The following DCDC2 variants were observed in gnomAD, a reference collection of about 807,000 sequenced individuals.
DCDC2 encodes doublecortin domain-containing protein 2.
Under a neutral mutation model 50.2 loss-of-function variants are expected in DCDC2, and 40 were observed. The observed-to-expected ratio is 0.80, with a 90% confidence interval of 0.62 to 1.04. DCDC2 has a LOEUF of 1.04. Among genes scored for constraint, DCDC2 ranks in the 50% least tolerant of loss-of-function variants. The pLI is 0.00. For synonymous variants in DCDC2, 234 were observed against 210.6 expected (o/e 1.11, Z -0.96); for missense variants, 570 against 581.9 (o/e 0.98, Z 0.21).
chr6:24,286,534 A>T (rs2113826542), intron 6 of DCDC2, among the ~76,000 whole-genome samples: 1 of 151,296 alleles, frequency 6.6e-6, no homozygotes, highest in East Asian at 1.9e-4. Context: ...TCAAGGCTAC[A>T]GTAAACCATG....
chr6:24,257,691 G>A (rs1581615591), intron 7 of DCDC2, among the ~76,000 whole-genome samples: 2 of 143,572 alleles, frequency 1.4e-5, no homozygotes, highest in African/African-American at 5.8e-5. Context: ...GACGCCTGAA[G>A]TTGGGGAAAA....
chr6:24,350,926 A>G (rs1253159705), intron 2 of DCDC2, among the ~76,000 whole-genome samples: 1 of 152,224 alleles, frequency 6.6e-6, no homozygotes, highest in Non-Finnish European at 1.5e-5. Context: ...AATTTTGAGC[A>G]TAGATCATCC....
At chr6:24,235,622 A>G (rs147435967) in intron 7 of DCDC2, among the ~76,000 whole-genome samples, 10 of 152,328 alleles carry the variant, frequency 6.6e-5, no homozygotes, top group African/African-American at 2.4e-4. Context: ...AAAAGTCTCA[A>G]AAAACTAGGC....
intron 7 of DCDC2, among the ~76,000 whole-genome samples, chr6:24,232,820 G>A (rs1359854847): frequency 6.6e-6 from 1 of 151,470 alleles, no homozygotes; most frequent in Admixed American, 6.6e-5. Flanking sequence ...ATTAATGAAT[G>A]AATGGGGTTC....
intron 8 of DCDC2, among the ~76,000 whole-genome samples, chr6:24,197,142 C>T (rs1761461856): frequency 6.6e-6 from 1 of 152,178 alleles, no homozygotes; most frequent in African/African-American, 2.4e-5. Flanking sequence ...TTTTACCAAT[C>T]TGTTTCTCAG....
At chr6:24,255,262 T>C (rs1315147088) in intron 7 of DCDC2, among the ~76,000 whole-genome samples, 2 of 151,720 alleles carry the variant, frequency 1.3e-5, no homozygotes, top group African/African-American at 2.4e-5. Context: ...GATATTCACA[T>C]GGAGAAAAAC....
chr6:24,234,592 A>C (rs1015710396), intron 7 of DCDC2, among the ~76,000 whole-genome samples: 6 of 152,246 alleles, frequency 3.9e-5, no homozygotes, highest in African/African-American at 1.2e-4. Flanking sequence ...AAATCAGAGA[A>C]GTTTCCAAAT....
intron 8 of DCDC2, among the ~76,000 whole-genome samples, chr6:24,186,086 C>A (rs1334367145): frequency 2.6e-5 from 4 of 152,214 alleles, no homozygotes; most frequent in Non-Finnish European, 4.4e-5. Context: ...CATCCAATAG[C>A]TTTTTGTTGT....
At chr6:24,321,250 A>G (rs1759769746) in intron 2 of DCDC2, among the ~76,000 whole-genome samples, 1 of 152,118 alleles carries the variant, frequency 6.6e-6, no homozygotes, top group Admixed American at 6.5e-5. Context: ...GTAAGTTACT[A>G]CAGAAAAGAA....
At chr6:24,282,368 G>C (rs917049423) in intron 6 of DCDC2, among the ~76,000 whole-genome samples, 4 of 152,072 alleles carry the variant, frequency 2.6e-5, no homozygotes, top group African/African-American at 4.8e-5. Context: ...TCAGCCTCCT[G>C]ATTAGCTGGG....
chr6:24,191,415 A>G (rs1761312827), intron 8 of DCDC2, among the ~76,000 whole-genome samples: 4 of 152,214 alleles, frequency 2.6e-5, no homozygotes, highest in African/African-American at 9.6e-5. Context: ...TTTCTTTAAA[A>G]TCACATTATA....
At chr6:24,247,335 T>TTATA (rs147748794) in intron 7 of DCDC2, among the ~76,000 whole-genome samples, 33 of 151,034 alleles carry the variant, frequency 2.2e-4, no homozygotes, top group Middle Eastern at 3.5e-3. Flanking sequence ...TTAACTATTT[T>TTATA]TATATATATA....
At chr6:24,220,925 A>AGCGAGAGAGT (rs1345263843) in intron 7 of DCDC2, among the ~76,000 whole-genome samples, 1 of 152,026 alleles carries the variant, frequency 6.6e-6, no homozygotes, top group Admixed American at 6.5e-5. Context: ...CGAGCGAGCG[A>AGCGAGAGAGT]GAGCACATGC....
chr6:24,265,823 A>T (rs1763107760), intron 7 of DCDC2, among the ~76,000 whole-genome samples: 2 of 151,994 alleles, frequency 1.3e-5, no homozygotes, highest in South Asian at 4.1e-4. Context: ...AAAAAAATTC[A>T]TATACCATAA....
At chr6:24,349,310 A>G (rs1032620191) in intron 2 of DCDC2, among the ~76,000 whole-genome samples, 1 of 152,260 alleles carries the variant, frequency 6.6e-6, no homozygotes, top group African/African-American at 2.4e-5. Context: ...CAGCAAGACT[A>G]TAAATTCCTG....
chr6:24,353,651 A>G (rs1397786407), intron 1 of DCDC2, 28 bp from the exon 2 acceptor site: 1 of 1,453,390 alleles, frequency 6.9e-7, no homozygotes, highest in East Asian at 2.3e-5. Flanking sequence ...AAACAATAAG[A>G]GTTGCTTTTA....
At chr6:24,200,500 C>G (rs1761560888) in intron 8 of DCDC2, among the ~76,000 whole-genome samples, 1 of 152,110 alleles carries the variant, frequency 6.6e-6, no homozygotes, top group Admixed American at 6.6e-5. Context: ...ACAAGAGGTC[C>G]TGAAGGAAGC....
intron 7 of DCDC2, among the ~76,000 whole-genome samples, chr6:24,277,161 T>G (rs569889543): frequency 6.6e-6 from 1 of 152,156 alleles, no homozygotes; most frequent in African/African-American, 2.4e-5. Context: ...CATATCGACT[T>G]TGAAATAAGC....
At chr6:24,380,049 G>A in the DCDC2 span, among the ~76,000 whole-genome samples, 1 of 151,296 alleles carries the variant, frequency 6.6e-6, no homozygotes. Flanking sequence ...GGGGGGTGGG[G>A]GGCTGGGGGA....
Sources: gnomAD v4.1 joint callset for allele counts (sites outside exome capture counted in the v4.1 genomes callset) on GRCh38, gnomAD v4.1.1 for gene constraint, MANE v1.5 for transcripts, NCBI Gene and HGNC (gene_info 2026-07-23, HGNC 2026-07-21) for gene names.